Variants in TSHZ2 observed in about 807,000 individuals in gnomAD.
TSHZ2 encodes the protein teashirt zinc finger homeobox 2, also known as teashirt homolog 2.
In TSHZ2, 21 loss-of-function variants were observed where a neutral mutation model predicts 74.4. The observed-to-expected ratio is 0.28, with a 90% CI of 0.20 to 0.41. The LOEUF is 0.41. Among genes scored for constraint, TSHZ2 ranks in the 10% least tolerant of loss-of-function variants. The pLI, the probability that TSHZ2 is intolerant of heterozygous loss-of-function variation, is 1.00. For missense variants in TSHZ2, 1,244 were observed against 1,293.5 expected, an observed-to-expected ratio of 0.96 and a Z score of 0.59; for synonymous variants, 540 against 515.3, an observed-to-expected ratio of 1.05 and a Z score of -0.65.
intron 2 of TSHZ2, among the ~76,000 whole-genome samples, chr20:53,478,730 G>C (rs1269583595): frequency 6.6e-6 from 1 of 151,798 alleles, no homozygotes; most frequent in Non-Finnish European, 1.5e-5. Flanking sequence ...AGCTCGTGGG[G>C]AGCAGAGGTC....
At chr20:53,223,470 T>C (rs1473062250) in intron 1 of TSHZ2, among the ~76,000 whole-genome samples, 1 of 152,130 alleles carries the variant, frequency 6.6e-6, no homozygotes, top group African/African-American at 2.4e-5. Context: ...TGGCTCTCTG[T>C]AGCCTAGAGC....
chr20:53,215,184 C>T (rs1223884078), intron 1 of TSHZ2, among the ~76,000 whole-genome samples: 2 of 152,118 alleles, frequency 1.3e-5, no homozygotes, highest in Non-Finnish European at 2.9e-5. Context: ...GAAAATCTAA[C>T]AGCACTGAGC....
At chr20:53,368,703 A>G (rs1600833954) in intron 2 of TSHZ2, among the ~76,000 whole-genome samples, 1 of 152,360 alleles carries the variant, frequency 6.6e-6, no homozygotes, top group South Asian at 2.1e-4. Context: ...CATGAGCAAA[A>G]TGAGGGGAAA....
chr20:53,218,284 G>A (rs964653711), intron 1 of TSHZ2, among the ~76,000 whole-genome samples: 1 of 152,198 alleles, frequency 6.6e-6, no homozygotes, highest in Non-Finnish European at 1.5e-5. Context: ...GTCTCAGCTG[G>A]CACCTATTAT....
At position 52,972,456 on chromosome 20, in the gene TSHZ2, TG is replaced by T. The variant is rs1479285165; in HGVS notation, c.-832del. The T allele has an allele frequency of 2.6e-5, 4 of 153,982 alleles. No individual in the cohort carries two copies. Among genetic ancestry groups the T allele is most frequent in the Non-Finnish European group, 5.7e-5 (4 of 69,780 alleles). The allele number at this position is 153,982 out of a possible 1,614,324, so 9.5% of individuals were successfully genotyped here. ...GTGTGTTTGTGTGTGTGTGCATATG[TG>T]GGGGGTGTGAGTGTGTGTGTGCGAG... On this transcript the variant is annotated 5_prime_UTR_variant, in exon 1 of 3. It introduces an in-frame stop codon into an upstream open reading frame of the 5' UTR. Coordinates refer to ENST00000371497, the MANE Select transcript of TSHZ2 (RefSeq NM_173485.6).
chr20:53,206,897 G>A (rs188456448), intron 1 of TSHZ2, among the ~76,000 whole-genome samples: 1 of 152,052 alleles, frequency 6.6e-6, no homozygotes, highest in Non-Finnish European at 1.5e-5. Context: ...CTCCTATTTT[G>A]CTCCCATCCA....
At chr20:53,289,402 T>C (rs993657903) in intron 2 of TSHZ2, among the ~76,000 whole-genome samples, 5 of 152,376 alleles carry the variant, frequency 3.3e-5, no homozygotes, top group Middle Eastern at 3.4e-3. Context: ...CTGTTTTCCA[T>C]AGAAGTTGTG....
chr20:53,050,109 A>ATATATATATATACACACATATATATATG (rs1568736195), intron 1 of TSHZ2, among the ~76,000 whole-genome samples: 13 of 95,534 alleles, frequency 1.4e-4, no homozygotes, highest in African/African-American at 1.0e-3. Context: ...GTGTGTATAT[A>ATATATATATATACACACATATATATATG]TATATATATA....
chr20:53,044,523 T>G (rs1452158316), intron 1 of TSHZ2, among the ~76,000 whole-genome samples: 1 of 152,146 alleles, frequency 6.6e-6, no homozygotes, highest in African/African-American at 2.4e-5. Context: ...GCTACGGCCA[T>G]CAGCGTGTCA....
chr20:53,425,897 CT>C (rs1410945934), intron 2 of TSHZ2, among the ~76,000 whole-genome samples: 1 of 151,958 alleles, frequency 6.6e-6, no homozygotes, highest in Non-Finnish European at 1.5e-5. Context: ...CCATCCCTCC[CT>C]TACATAGAAC....
chr20:53,408,809 A>G (rs964394485), intron 2 of TSHZ2, among the ~76,000 whole-genome samples: 1 of 152,200 alleles, frequency 6.6e-6, no homozygotes, highest in Admixed American at 6.5e-5. Flanking sequence ...CACTCTGTAT[A>G]TCATCCTAGC....
rs868739895 is a variant in TSHZ2, at chr20:53,146,194, G to A, written c.41-107305G>A. 5.0e-4 allele frequency among the ~76,000 whole-genome samples: 75 copies of A among 151,390 alleles called. 1 individual carries two copies. Among genetic ancestry groups the A allele is most frequent in the African/African-American group, 1.7e-3 (72 of 41,422 alleles). Reference sequence around the variant, plus strand: ...ATCTAGTATATTAAGCAGATTCATTGTCAGATACTCAAAGTGAACTCAAAT... The same window carrying A: ...ATCTAGTATATTAAGCAGATTCATTATCAGATACTCAAAGTGAACTCAAAT... On this transcript the variant is annotated intron_variant, in intron 1 of 2. Transcript: ENST00000371497.
chr20:53,281,767 A>G (rs1317914641), intron 2 of TSHZ2, among the ~76,000 whole-genome samples: 2 of 152,202 alleles, frequency 1.3e-5, no homozygotes, highest in Non-Finnish European at 2.9e-5. Flanking sequence ...AAGCCAAGCA[A>G]GTCCTAGCCT....
At chr20:53,274,225 G>A (rs373324912) in intron 2 of TSHZ2, among the ~76,000 whole-genome samples, 23 of 152,296 alleles carry the variant, frequency 1.5e-4, no homozygotes, top group African/African-American at 4.8e-4. Context: ...AGCCGAGATC[G>A]CACCGCTGCG....
intron 2 of TSHZ2, among the ~76,000 whole-genome samples, chr20:53,358,161 C>T (rs560889775): frequency 6.6e-6 from 1 of 152,016 alleles, no homozygotes; most frequent in Non-Finnish European, 1.5e-5. Flanking sequence ...TCATTTGCCA[C>T]CTAACATCCT....
intron 1 of TSHZ2, among the ~76,000 whole-genome samples, chr20:53,009,287 G>A (rs1341564193): frequency 2.6e-5 from 4 of 152,178 alleles, no homozygotes; most frequent in South Asian, 2.1e-4. Context: ...GCAGTGAGCC[G>A]TGATCCTGCC....
At chr20:53,070,246 A>G (rs975467865) in intron 1 of TSHZ2, among the ~76,000 whole-genome samples, 2 of 152,182 alleles carry the variant, frequency 1.3e-5, no homozygotes, top group East Asian at 3.8e-4. Flanking sequence ...AGCTTGATTT[A>G]CAGCTATTTA....
intron 1 of TSHZ2, among the ~76,000 whole-genome samples, chr20:53,249,339 C>A (rs1990272693): frequency 6.6e-6 from 1 of 152,210 alleles, no homozygotes; most frequent in Non-Finnish European, 1.5e-5. Context: ...AGTTTGTGGA[C>A]ATCACTCTGT....
chr20:53,303,599 C>T (rs7266561), intron 2 of TSHZ2, among the ~76,000 whole-genome samples: 33,174 of 152,114 alleles, frequency 0.22, 4,013 homozygotes, highest in Middle Eastern at 0.34. Flanking sequence ...GCCCTCTTGA[C>T]GTTTCTGTGA....
Sources: gnomAD v4.1 joint callset for allele counts (sites outside exome capture counted in the v4.1 genomes callset) on GRCh38, gnomAD v4.1.1 for gene constraint, MANE v1.5 for transcripts, NCBI Gene and HGNC (gene_info 2026-07-23, HGNC 2026-07-21) for gene names.